CTXN1: variants seen among roughly 807,000 people sequenced by gnomAD.
The protein encoded by CTXN1 is cortexin-1.
In CTXN1, 4 loss-of-function variants were observed where a neutral mutation model predicts 5.5. That is an observed-to-expected ratio of 0.73 (90% CI 0.36 to 1.68). CTXN1 has a LOEUF of 1.68. Ranked by LOEUF, CTXN1 falls within the 40% of genes most tolerant of loss-of-function variation. The pLI, the probability that CTXN1 is intolerant of heterozygous loss-of-function variation, is 0.05. For synonymous variants in CTXN1, 67 were observed against 62.8 expected (o/e 1.07, Z -0.32); for missense variants, 111 against 123.0 (o/e 0.90, Z 0.46).
chr19:7,925,682 C>A lies in CTXN1; in HGVS notation c.-20-124G>T. The A allele has an allele frequency of 2.4e-6, 2 of 827,080 alleles. No individual in the cohort carries two copies. Among genetic ancestry groups the A allele is most frequent in the Non-Finnish European group, 3.2e-6 (2 of 619,194 alleles). The allele number at this position is 827,080 out of a possible 1,614,324, so 51.2% of individuals were successfully genotyped here. A position where few individuals can be genotyped will look rare whatever the true frequency, so the allele number is the denominator to read the frequency against. On this transcript the variant is annotated intron_variant, in intron 1 of 1. Transcript: ENST00000318978. The surrounding 1 kb of genome is among the most constrained non-coding windows in gnomAD (Gnocchi z 5.0). ...CCTCCCTTAACGTGCCCGACCCCAT[C>A]CCCCGCCCGCGCCTCGGTCCCCGGG...
rs1191536396 is a variant in CTXN1 at position 7,925,491 on chromosome 19, C to A, written c.48G>T (p.Thr16=). The stretch of plus-strand genomic sequence containing the variant: ...CCAGGCCCGCGCCCACCGGGGGCCC[C>A]GTCGACGGCGGCAGGGGCTCCGGCG... ...TLSPEPLPPS[T]GPPVGAGLDA... is the part of the protein sequence containing the mutation. Residue 16 remains threonine, a synonymous_variant, in exon 2 of 2, where the codon ACG becomes ACT. Coordinates refer to ENST00000318978, the MANE Select transcript of CTXN1 (RefSeq NM_206833.4). The surrounding 1 kb of genome is among the most constrained non-coding windows in gnomAD (Gnocchi z 5.0). 4 of 1,526,724 alleles carry A rather than the reference C, an allele frequency of 2.6e-6. No individual in the cohort carries two copies. The highest frequency in any genetic ancestry group is 4.0e-5 in the Admixed American group (2 of 50,534). The allele number at this position is 1,526,724 out of a possible 1,614,324, so 94.6% of individuals were successfully genotyped here. A position where few individuals can be genotyped will look rare whatever the true frequency, so the allele number is the denominator to read the frequency against.
rs1983766544 is a variant in CTXN1, at chr19:7,925,780, TG to T, written c.-21+186del. ...ACCCAACTCTGGCCGTGCGCGCAGG[TG>T]GGGGCGCTGAGAGCCGGGAAACGGA... On this transcript the variant is annotated intron_variant, in intron 1 of 1. Transcript: ENST00000318978. The surrounding 1 kb of genome is among the most constrained non-coding windows in gnomAD (Gnocchi z 5.0). Among the ~76,000 whole-genome samples, 1 of 149,216 alleles carries T rather than the reference TG, an allele frequency of 6.7e-6. No homozygotes were observed. Among genetic ancestry groups the T allele is most frequent in the Admixed American group, 6.6e-5 (1 of 15,050 alleles).
rs965830708 is a variant in CTXN1, at chr19:7,925,923, T to C, written c.-21+44A>G. ...CCCGCTCCCTTTGTTCTCGGCGGCCTGGGACCCCCTCCCCCACCGCCCCCG... is the reference window on the plus strand; with the variant it reads ...CCCGCTCCCTTTGTTCTCGGCGGCCCGGGACCCCCTCCCCCACCGCCCCCG... On this transcript the variant is annotated intron_variant, in intron 1 of 1. Transcript: ENST00000318978. The surrounding 1 kb of genome is among the most constrained non-coding windows in gnomAD (Gnocchi z 5.0). The C allele has an allele frequency of 4.9e-3, 747 of 151,346 alleles. 6 individuals carry two copies. Among genetic ancestry groups the C allele is most frequent in the African/African-American group, 0.018 (718 of 40,490 alleles). 9.4% of individuals were successfully genotyped at this position (151,346 alleles called of 1,614,324 possible). A position where few individuals can be genotyped will look rare whatever the true frequency, so the allele number is the denominator to read the frequency against.
In CTXN1 at chr19:7,925,369, T is replaced by C. The variant is rs1286356635; in HGVS notation, c.170A>G (p.Tyr57Cys). ...VRCVRILLDP[Y>C]SRMPASSWTD... Reference sequence around the variant, plus strand: ...CCAGGACGAGGCGGGCATGCGGCTGTAGGGGTCGAGCAGGATGCGCACGCA... The same window carrying C: ...CCAGGACGAGGCGGGCATGCGGCTGCAGGGGTCGAGCAGGATGCGCACGCA... Residue 57 changes from tyrosine to cysteine, a missense_variant, in exon 2 of 2, where the codon TAC becomes TGC. By Grantham distance (194) the Tyr-to-Cys change is radical. Coordinates refer to ENST00000318978, the MANE Select transcript of CTXN1 (RefSeq NM_206833.4). This position sits in a 1 kb window ranked among gnomAD's most constrained non-coding sequence, Gnocchi z 5.0. The C allele has an allele frequency of 3.8e-6, 6 of 1,581,114 alleles. No individual in the cohort carries two copies. Among genetic ancestry groups the C allele is most frequent in the Admixed American group, 1.7e-5 (1 of 57,310 alleles).
rs1409127045 is a variant in CTXN1, at chr19:7,924,775, AGGCGGTGCAG to A, written c.*505_*514del. 2 of 152,380 alleles carry A rather than the reference AGGCGGTGCAG, an allele frequency of 1.3e-5. No homozygotes were observed. The highest frequency in any genetic ancestry group is 4.8e-5 in the African/African-American group (2 of 41,460). 9.4% of individuals were successfully genotyped at this position (152,380 alleles called of 1,614,324 possible). A position where few individuals can be genotyped will look rare whatever the true frequency, so the allele number is the denominator to read the frequency against. On this transcript the variant is annotated 3_prime_UTR_variant, in exon 2 of 2. Coordinates refer to ENST00000318978, the MANE Select transcript of CTXN1 (RefSeq NM_206833.4). ...GGCCTTCGGGCTCCGTCTCCGGGACAGGCGGTGCAGGGCAAATTGGTATGCAGCGTCCGCC... is the reference window on the plus strand; with the variant it reads ...GGCCTTCGGGCTCCGTCTCCGGGACAGGCAAATTGGTATGCAGCGTCCGCC...
rs564323011 is a variant in CTXN1, at chr19:7,925,748, C to T, written c.-20-190G>A. Among the ~76,000 whole-genome samples the T allele has an allele frequency of 1.2e-4, 18 of 151,594 alleles. No individual in the cohort carries two copies. The highest frequency in any genetic ancestry group is 6.8e-3 in the Middle Eastern group (2 of 292). ...GCCCGCCGGATCGCCGCCACCACCA[C>T]GCGGGGACCCAACTCTGGCCGTGCG... On this transcript the variant is annotated intron_variant, in intron 1 of 1. Coordinates refer to ENST00000318978, the MANE Select transcript of CTXN1 (RefSeq NM_206833.4). This position sits in a 1 kb window ranked among gnomAD's most constrained non-coding sequence, Gnocchi z 5.0.
chr19:7,925,273 A>G lies in CTXN1; in HGVS notation c.*17T>C. On this transcript the variant is annotated 3_prime_UTR_variant, in exon 2 of 2. Transcript: ENST00000318978. This position sits in a 1 kb window ranked among gnomAD's most constrained non-coding sequence, Gnocchi z 5.0. ...CTGAGACCCCGGCGCAGGGCCGGCT[A>G]GGGGGCGCCGCGCCCCTCACACCAA... The G allele has an allele frequency of 7.7e-7, 1 of 1,300,932 alleles. No homozygotes were observed. Among genetic ancestry groups the G allele is most frequent in the Non-Finnish European group, 9.8e-7 (1 of 1,020,134 alleles). 80.6% of individuals were successfully genotyped at this position (1,300,932 alleles called of 1,614,324 possible).
chr19:7,925,593 A>C lies in CTXN1; in HGVS notation c.-20-35T>G. 7.6e-7 allele frequency: 1 copy of C among 1,313,374 alleles called. No homozygotes were observed. Among genetic ancestry groups the C allele is most frequent in the Non-Finnish European group, 9.6e-7 (1 of 1,038,362 alleles). 81.4% of individuals were successfully genotyped at this position (1,313,374 alleles called of 1,614,324 possible). A position where few individuals can be genotyped will look rare whatever the true frequency, so the allele number is the denominator to read the frequency against. ...AGGGGACCCGCCCCGGGCGCCGGGG[A>C]TGAGGCTGCGCCCTCCCTCCCGCGC... is the stretch of plus-strand genomic sequence containing the variant. On this transcript the variant is annotated intron_variant, in intron 1 of 1. Transcript: ENST00000318978. The surrounding 1 kb of genome is among the most constrained non-coding windows in gnomAD (Gnocchi z 5.0).
rs896580496 is a variant in CTXN1 at position 7,925,851 on chromosome 19, C to G, written c.-21+116G>C. 11 of 205,136 alleles carry G rather than the reference C, an allele frequency of 5.4e-5. No individual in the cohort carries two copies. The allele number at this position is 205,136 out of a possible 1,614,324, so 12.7% of individuals were successfully genotyped here. A position where few individuals can be genotyped will look rare whatever the true frequency, so the allele number is the denominator to read the frequency against. On this transcript the variant is annotated intron_variant, in intron 1 of 1. Transcript: ENST00000318978. The surrounding 1 kb of genome is among the most constrained non-coding windows in gnomAD (Gnocchi z 5.0). ...GCACACAACAGGTGCGAAAGCGCGG[C>G]CGCGGCCCGGGCGCGCGGCGTGGGG...
At position 7,925,470 on chromosome 19, in the gene CTXN1, G is replaced by A. The variant is rs1281225628; in HGVS notation, c.69C>T (p.Gly23=). The change falls in exon 2 of 2, where the codon GGC becomes GGT. Residue 23 remains glycine (G), a synonymous_variant. Transcript: ENST00000318978. The surrounding 1 kb of genome is among the most constrained non-coding windows in gnomAD (Gnocchi z 5.0). Reference sequence around the variant, plus strand: ...ACACCGTGCGCTGCTCCGCGTCCAGGCCCGCGCCCACCGGGGGCCCCGTCG... The same window carrying A: ...ACACCGTGCGCTGCTCCGCGTCCAGACCCGCGCCCACCGGGGGCCCCGTCG... ...PPSTGPPVGA[G]LDAEQRTVFA... 5 of 1,562,714 alleles carry A rather than the reference G, an allele frequency of 3.2e-6. No homozygotes were observed. Among genetic ancestry groups the A allele is most frequent in the Middle Eastern group, 1.7e-4 (1 of 5,914 alleles).
chr19:7,925,472 CCG>C lies in CTXN1; in HGVS notation c.65_66del (p.Ala22GlyfsTer154). On this transcript the variant is annotated frameshift_variant, in exon 2 of 2. Coordinates refer to ENST00000318978, the MANE Select transcript of CTXN1 (RefSeq NM_206833.4). LOFTEE classifies it high-confidence loss of function. This position sits in a 1 kb window ranked among gnomAD's most constrained non-coding sequence, Gnocchi z 5.0. Reference protein sequence around the residue: ...LPPSTGPPVGAGLDAEQRTVF... With the variant: ...LPPSTGPPVGXGLDAEQRTVF... ...ACCGTGCGCTGCTCCGCGTCCAGGC[CCG>C]CGCCCACCGGGGGCCCCGTCGACGG... The C allele has an allele frequency of 6.4e-7, 1 of 1,560,106 alleles. No homozygotes were observed. Among genetic ancestry groups the C allele is most frequent in the Non-Finnish European group, 8.6e-7 (1 of 1,160,754 alleles).
rs935804419 is a variant in CTXN1, at chr19:7,925,232, C to A, written c.*58G>T. 3.0e-5 allele frequency: 37 copies of A among 1,244,006 alleles called. No individual in the cohort carries two copies. Among genetic ancestry groups the A allele is most frequent in the African/African-American group, 4.7e-5 (3 of 63,848 alleles). 77.1% of individuals were successfully genotyped at this position (1,244,006 alleles called of 1,614,324 possible). On this transcript the variant is annotated 3_prime_UTR_variant, in exon 2 of 2. Transcript: ENST00000318978. This position sits in a 1 kb window ranked among gnomAD's most constrained non-coding sequence, Gnocchi z 5.0. ...CGCAGTCCTGGCCCCGCGGCGCCCC[C>A]CGCCGGGCCGGCCCTCTGAGACCCC...
In CTXN1 at chr19:7,925,343, T is replaced by C; in HGVS notation, c.196A>G (p.Thr66Ala). The C allele has an allele frequency of 6.4e-7, 1 of 1,574,182 alleles. No individual in the cohort carries two copies. The highest frequency in any genetic ancestry group is 2.4e-5 in the East Asian group (1 of 40,848). The change falls in exon 2 of 2, where the codon ACC becomes GCC. Residue 66 changes from threonine to alanine, a missense_variant. By Grantham distance (58) the Thr-to-Ala change is moderately conservative (BLOSUM62 0). Transcript: ENST00000318978. The surrounding 1 kb of genome is among the most constrained non-coding windows in gnomAD (Gnocchi z 5.0). ...CGCTCGAGCGCCTCCTTGTGGTCGGTCCAGGACGAGGCGGGCATGCGGCTG... is the reference window on the plus strand; with the variant it reads ...CGCTCGAGCGCCTCCTTGTGGTCGGCCCAGGACGAGGCGGGCATGCGGCTG... ...PYSRMPASSW[T>A]DHKEALERGQ...
Position 7,924,836 on chromosome 19 carries a change from G to C in CTXN1, c.*454C>G, listed in dbSNP as rs1983724699. On this transcript the variant is annotated 3_prime_UTR_variant, in exon 2 of 2. Transcript: ENST00000318978. Reference sequence around the variant, plus strand: ...CCGTGGGCCCGGGAGAGCCTGCCCCGCAGGGACCAGAGCCCAAGGACGGGC... The same window carrying C: ...CCGTGGGCCCGGGAGAGCCTGCCCCCCAGGGACCAGAGCCCAAGGACGGGC... The C allele has an allele frequency of 6.5e-6, 1 of 153,632 alleles. No homozygotes were observed. The highest frequency in any genetic ancestry group is 1.4e-5 in the Non-Finnish European group (1 of 69,078). The allele number at this position is 153,632 out of a possible 1,614,324, so 9.5% of individuals were successfully genotyped here. A position where few individuals can be genotyped will look rare whatever the true frequency, so the allele number is the denominator to read the frequency against.
In CTXN1 at chr19:7,925,388, G is replaced by A; in HGVS notation, c.151C>T (p.Arg51Cys). The A allele has an allele frequency of 1.3e-6, 2 of 1,585,054 alleles. No homozygotes were observed. Among genetic ancestry groups the A allele is most frequent in the Non-Finnish European group, 8.5e-7 (1 of 1,170,822 alleles). The change falls in exon 2 of 2, where the codon CGC becomes TGC. Residue 51 changes from arginine (R) to cysteine (C), a missense_variant. Coordinates refer to ENST00000318978, the MANE Select transcript of CTXN1 (RefSeq NM_206833.4). This position sits in a 1 kb window ranked among gnomAD's most constrained non-coding sequence, Gnocchi z 5.0. ...VLVLLMVRCV[R>C]ILLDPYSRMP... ...CGGCTGTAGGGGTCGAGCAGGATGC[G>A]CACGCAGCGCACCATCAACAGCACC...
rs760868375 is a variant in CTXN1, at chr19:7,925,261, G to T, written c.*29C>A. ...CGGGCCGGCCCTCTGAGACCCCGGC[G>T]CAGGGCCGGCTAGGGGGCGCCGCGC... On this transcript the variant is annotated 3_prime_UTR_variant, in exon 2 of 2. Transcript: ENST00000318978. This position sits in a 1 kb window ranked among gnomAD's most constrained non-coding sequence, Gnocchi z 5.0. 1.5e-6 allele frequency: 2 copies of T among 1,291,484 alleles called. No homozygotes were observed. The highest frequency in any genetic ancestry group is 2.0e-6 in the Non-Finnish European group (2 of 1,019,658). 80.0% of individuals were successfully genotyped at this position (1,291,484 alleles called of 1,614,324 possible).
At position 7,925,873 on chromosome 19, in the gene CTXN1, G is replaced by C. The variant is rs1983769845; in HGVS notation, c.-21+94C>G. On this transcript the variant is annotated intron_variant, in intron 1 of 1. Transcript: ENST00000318978. The surrounding 1 kb of genome is among the most constrained non-coding windows in gnomAD (Gnocchi z 5.0). ...CGGCCGCGGCCCGGGCGCGCGGCGT[G>C]GGGACGGTCCCCGCGGCCCCTGCCC... 1 of 177,364 alleles carries C rather than the reference G, an allele frequency of 5.6e-6. No homozygotes were observed. The highest frequency in any genetic ancestry group is 1.2e-5 in the Non-Finnish European group (1 of 85,478). 11.0% of individuals were successfully genotyped at this position (177,364 alleles called of 1,614,324 possible).
Position 7,924,525 on chromosome 19 carries a change from T to C in CTXN1, c.*765A>G, listed in dbSNP as rs187191353. 6 of 152,098 alleles carry C rather than the reference T, an allele frequency of 3.9e-5. No homozygotes were observed. In the East Asian group the frequency reaches 1.2e-3, roughly 29 times the overall value. 9.4% of individuals were successfully genotyped at this position (152,098 alleles called of 1,614,324 possible). ...CGCTCAATAATAGCTTTTATTATCA[T>C]GTTCGGCTCAGAGGCAGGGAGGAGT... is the stretch of plus-strand genomic sequence containing the variant. On this transcript the variant is annotated 3_prime_UTR_variant, in exon 2 of 2. Coordinates refer to ENST00000318978, the MANE Select transcript of CTXN1 (RefSeq NM_206833.4).
In CTXN1 at chr19:7,925,419, C is replaced by G; in HGVS notation, c.120G>C (p.Val40=). The G allele has an allele frequency of 1.3e-6, 2 of 1,588,468 alleles. No individual in the cohort carries two copies. Among genetic ancestry groups the G allele is most frequent in the Non-Finnish European group, 1.7e-6 (2 of 1,172,448 alleles). Residue 40 remains valine, a synonymous_variant, in exon 2 of 2, where the codon GTG becomes GTC. Coordinates refer to ENST00000318978, the MANE Select transcript of CTXN1 (RefSeq NM_206833.4). This position sits in a 1 kb window ranked among gnomAD's most constrained non-coding sequence, Gnocchi z 5.0. ...AGCGCACCATCAACAGCACCAGCAC[C>G]ACGAGCAGGCAGAGCACGAAGGCGA... ...TVFAFVLCLL[V]VLVLLMVRCV...
Sources: gnomAD v4.1 joint callset for allele counts (sites outside exome capture counted in the v4.1 genomes callset) on GRCh38, gnomAD v4.1.1 for gene constraint, Gnocchi (gnomAD v3.1) non-coding constraint, MANE v1.5 for transcripts, NCBI Gene and HGNC (gene_info 2026-07-23, HGNC 2026-07-21) for gene names.